Variants in IPO11 observed in about 807,000 individuals in gnomAD.
IPO11 encodes the protein importin-11.
Under a neutral mutation model 143.2 loss-of-function variants are expected in IPO11, and 66 were observed. The ratio of observed to expected loss-of-function variants is 0.46; its 90% CI spans 0.38 to 0.57. IPO11 has a LOEUF of 0.57. Among genes scored for constraint, IPO11 ranks in the 20% least tolerant of loss-of-function variants. The pLI, the probability that IPO11 is intolerant of heterozygous loss-of-function variation, is 0.00. For synonymous variants in IPO11, 385 were observed against 377.8 expected (o/e 1.02, Z -0.22); for missense variants, 1,026 against 1,141.0 (o/e 0.90, Z 1.45).
Position 62,436,857 on chromosome 5 carries a change from A to G in IPO11, c.-6-417A>G, listed in dbSNP as rs1744261427. The stretch of plus-strand genomic sequence containing the variant: ...CTTCCTTCTGATTTTGTCAAGGATA[A>G]AGTTAGGTGTTACTTACTGTATGGT... On this transcript the variant is annotated intron_variant, in intron 1 of 29. Transcript: ENST00000325324. Among the ~76,000 whole-genome samples the G allele has an allele frequency of 2.0e-5, 3 of 152,178 alleles. No homozygotes were observed. The South Asian group carries it at 6.2e-4, about 31-fold the overall frequency.
intron 27 of IPO11, among the ~76,000 whole-genome samples, chr5:62,584,541 G>A (rs894178968): frequency 1.3e-5 from 2 of 150,074 alleles, no homozygotes; most frequent in Non-Finnish European, 3.0e-5. Context: ...TGAGCCCAGC[G>A]GGAGGAGGTT....
intron 19 of IPO11, among the ~76,000 whole-genome samples, chr5:62,511,702 G>A (rs1314620316): frequency 2.0e-5 from 3 of 152,064 alleles, no homozygotes; most frequent in Non-Finnish European, 4.4e-5. Flanking sequence ...CAAGTAGATA[G>A]TAGTGAAGCT....
Position 62,581,486 on chromosome 5 carries a change from A to C in IPO11, c.2583-10091A>C, listed in dbSNP as rs1744563567. 5 of 564,688 alleles carry C rather than the reference A, an allele frequency of 8.9e-6. No individual in the cohort carries two copies. In the South Asian group the frequency reaches 1.5e-4, roughly 17 times the overall value. 35.0% of individuals were successfully genotyped at this position (564,688 alleles called of 1,614,324 possible). ...ATTCATTTAGCAAATATTTTCTTTG[A>C]TATATACTGTATTAAGTAATAATAG... On this transcript the variant is annotated intron_variant, in intron 27 of 29. Coordinates refer to ENST00000325324, the MANE Select transcript of IPO11 (RefSeq NM_016338.5).
At chr5:62,537,407 C>G in intron 24 of IPO11, 118 bp downstream of exon 24, 1 of 660,170 alleles carries the variant, frequency 1.5e-6, no homozygotes, top group Non-Finnish European at 2.6e-6. Context: ...TCTAGACAGG[C>G]TATTTTGGCA....
chr5:62,482,278 C>G (rs1384970513), intron 9 of IPO11, among the ~76,000 whole-genome samples: 1 of 152,132 alleles, frequency 6.6e-6, no homozygotes, highest in African/African-American at 2.4e-5. Context: ...TTTTGTGTCT[C>G]TGTCTCCTTC....
At chr5:62,425,510 G>T (rs1461963777) in intron 1 of IPO11, among the ~76,000 whole-genome samples, 3 of 151,978 alleles carry the variant, frequency 2.0e-5, no homozygotes, top group African/African-American at 7.3e-5. Flanking sequence ...TAGAGACAGG[G>T]TTTCACCATG....
At chr5:62,517,297 G>C (rs183447139) in intron 20 of IPO11, among the ~76,000 whole-genome samples, 1 of 152,244 alleles carries the variant, frequency 6.6e-6, no homozygotes, top group East Asian at 1.9e-4. Context: ...TATAGAAGAG[G>C]ATAAAGACTA....
chr5:62,557,855 A>G (rs571333601), intron 26 of IPO11, among the ~76,000 whole-genome samples: 2 of 152,276 alleles, frequency 1.3e-5, no homozygotes, highest in African/African-American at 2.4e-5. Flanking sequence ...CCGTACCCCA[A>G]CTATGGCTGA....
intron 1 of IPO11, among the ~76,000 whole-genome samples, chr5:62,420,745 A>C (rs947686622): frequency 6.6e-6 from 1 of 151,898 alleles, no homozygotes; most frequent in Non-Finnish European, 1.5e-5. Context: ...ATGCCCAGCT[A>C]ACTTTTTGTT....
At chr5:62,470,809 C>G in intron 7 of IPO11, among the ~76,000 whole-genome samples, 1 of 123,104 alleles carries the variant, frequency 8.1e-6, no homozygotes, top group Admixed American at 9.0e-5. Flanking sequence ...CTGTAGATAG[C>G]CATCTTCTTT....
chr5:62,443,245 A>G (rs1409218739), intron 3 of IPO11, 162 bp downstream of exon 3: 1 of 458,698 alleles, frequency 2.2e-6, no homozygotes, highest in Non-Finnish European at 3.9e-6. Flanking sequence ...TCTCTGTGCA[A>G]GGATGATGTG....
At chr5:62,598,376 TTTGC>T (rs142923802) in intron 28 of IPO11, among the ~76,000 whole-genome samples, 790 of 16,308 alleles carry the variant, frequency 0.048, 90 homozygotes, top group Middle Eastern at 0.19. Flanking sequence ...CCATAAATTG[TTTGC>T]TTGCTTGCTT....
At chr5:62,581,239 C>G (rs750312307) in intron 27 of IPO11, 2 of 1,541,562 alleles carry the variant, frequency 1.3e-6, no homozygotes, top group Non-Finnish European at 1.7e-6. Context: ...GGAGCAGATT[C>G]GACTTCATAA....
chr5:62,501,155 G>C (rs1245317755), intron 16 of IPO11, among the ~76,000 whole-genome samples: 4 of 152,150 alleles, frequency 2.6e-5, no homozygotes, highest in Non-Finnish European at 5.9e-5. Flanking sequence ...AAACTCTTCT[G>C]TCTTTCCACT....
intron 27 of IPO11, among the ~76,000 whole-genome samples, chr5:62,590,510 T>C (rs1010769641): frequency 1.3e-5 from 2 of 152,198 alleles, no homozygotes; most frequent in African/African-American, 2.4e-5. Flanking sequence ...TTAGGTACCA[T>C]GTATAAATAG....
At chr5:62,521,224 G>C (rs959421394) in intron 20 of IPO11, among the ~76,000 whole-genome samples, 2 of 152,088 alleles carry the variant, frequency 1.3e-5, no homozygotes, top group Admixed American at 1.3e-4. Context: ...TTCTTTTTCT[G>C]ATGGCAGCCA....
intron 27 of IPO11, chr5:62,580,205 ACCT>A (rs755921441): frequency 1.3e-6 from 2 of 1,551,112 alleles, no homozygotes; most frequent in Non-Finnish European, 1.7e-6. Context: ...AATCTGGAAT[ACCT>A]CCTCCTGAAA....
intron 27 of IPO11, among the ~76,000 whole-genome samples, chr5:62,584,064 A>T (rs2112412562): frequency 6.6e-6 from 1 of 152,338 alleles, no homozygotes. Context: ...TTCCCCTCAT[A>T]ACAAATGACC....
chr5:62,509,537 T>G (rs1427098132), intron 19 of IPO11, among the ~76,000 whole-genome samples: 4 of 152,198 alleles, frequency 2.6e-5, no homozygotes, highest in Non-Finnish European at 5.9e-5. Flanking sequence ...CTTAACAAAA[T>G]TATAAGAGTA....
Sources: gnomAD v4.1 joint callset for allele counts (sites outside exome capture counted in the v4.1 genomes callset) on GRCh38, gnomAD v4.1.1 for gene constraint, MANE v1.5 for transcripts, NCBI Gene and HGNC (gene_info 2026-07-23, HGNC 2026-07-21) for gene names.